ZNF804B: variants seen among roughly 807,000 people sequenced by gnomAD.
ZNF804B encodes the protein zinc finger protein 804B, also known as zinc finger 804B.
Under a neutral mutation model 101.4 loss-of-function variants are expected in ZNF804B, and 80 were observed. The ratio of observed to expected loss-of-function variants is 0.79; its 90% CI spans 0.66 to 0.95. The LOEUF is 0.95. ZNF804B is among the 40% of genes least tolerant of loss of function. ZNF804B has a pLI of 0.00. For synonymous variants in ZNF804B, 622 were observed against 558.8 expected, an observed-to-expected ratio of 1.11 and a Z score of -1.59; for missense variants, 1,673 against 1,561.9, an observed-to-expected ratio of 1.07 and a Z score of -1.20.
At chr7:88,880,604 G>A (rs1356371175) in intron 1 of ZNF804B, among the ~76,000 whole-genome samples, 6 of 151,774 alleles carry the variant, frequency 4.0e-5, no homozygotes, top group South Asian at 2.1e-4. Flanking sequence ...TGTTCTTTTG[G>A]TTTTGTCATT....
At chr7:88,801,612 A>G (rs1790584337) in intron 1 of ZNF804B, among the ~76,000 whole-genome samples, 1 of 152,026 alleles carries the variant, frequency 6.6e-6, no homozygotes, top group South Asian at 2.1e-4. Context: ...TTAAAAATCT[A>G]CTCTTTGACT....
intron 1 of ZNF804B, among the ~76,000 whole-genome samples, chr7:88,790,434 C>T (rs532994832): frequency 6.6e-6 from 1 of 151,922 alleles, no homozygotes; most frequent in African/African-American, 2.4e-5. Context: ...CCCTTGCACC[C>T]CTGACAGGCC....
At chr7:89,013,322 TAA>T (rs11347984) in intron 1 of ZNF804B, among the ~76,000 whole-genome samples, 14 of 151,864 alleles carry the variant, frequency 9.2e-5, no homozygotes, top group Non-Finnish European at 1.6e-4. Flanking sequence ...GTACTCACTA[TAA>T]AAAAAAATCT....
intron 2 of ZNF804B, among the ~76,000 whole-genome samples, chr7:89,323,739 A>G (rs1790855419): frequency 6.6e-6 from 1 of 152,036 alleles, no homozygotes; most frequent in African/African-American, 2.4e-5. Context: ...ACAATACCCT[A>G]TTTGTTTTCC....
At chr7:89,056,122 C>G (rs946715308) in intron 1 of ZNF804B, among the ~76,000 whole-genome samples, 4 of 152,064 alleles carry the variant, frequency 2.6e-5, no homozygotes, top group African/African-American at 9.7e-5. Context: ...AAAAGCCTCT[C>G]AGTATATCAG....
intron 1 of ZNF804B, among the ~76,000 whole-genome samples, chr7:88,898,153 C>G (rs2115945559): frequency 8.0e-6 from 1 of 125,538 alleles, no homozygotes; most frequent in African/African-American, 3.0e-5. Context: ...ATGGCGGGAT[C>G]TCGGCTCACT....
intron 2 of ZNF804B, among the ~76,000 whole-genome samples, chr7:89,266,778 T>A (rs950909833): frequency 1.3e-5 from 2 of 152,094 alleles, no homozygotes; most frequent in Non-Finnish European, 2.9e-5. Context: ...AGAGATTTTA[T>A]CAGGTATATC....
At chr7:88,940,501 G>A (rs1287791618) in intron 1 of ZNF804B, among the ~76,000 whole-genome samples, 1 of 151,892 alleles carries the variant, frequency 6.6e-6, no homozygotes, top group African/African-American at 2.4e-5. Flanking sequence ...GCCAGGTGTG[G>A]TGGCTCACGC....
In ZNF804B at chr7:88,904,506, A is replaced by G. The variant is rs115084045; in HGVS notation, c.108+144422A>G. On this transcript the variant is annotated intron_variant, in intron 1 of 3. Coordinates refer to ENST00000333190, the MANE Select transcript of ZNF804B (RefSeq NM_181646.5). ...TGTGAAAAATTACATTGATAGCTTGATAGAAATGGCATTGAATCTGTAAAT... is the reference window on the plus strand; with the variant it reads ...TGTGAAAAATTACATTGATAGCTTGGTAGAAATGGCATTGAATCTGTAAAT... 6.9e-3 allele frequency among the ~76,000 whole-genome samples: 1,046 copies of G among 152,262 alleles called. 13 individuals are homozygous for G. The highest frequency in any genetic ancestry group is 0.024 in the African/African-American group (1,009 of 41,554).
chr7:88,998,999 A>G (rs1788242499), intron 1 of ZNF804B, among the ~76,000 whole-genome samples: 1 of 152,090 alleles, frequency 6.6e-6, no homozygotes, highest in Non-Finnish European at 1.5e-5. Flanking sequence ...CTCCTGAAAC[A>G]ATCATTTCCT....
At chr7:89,182,438 T>G (rs1276679016) in intron 1 of ZNF804B, among the ~76,000 whole-genome samples, 6 of 152,190 alleles carry the variant, frequency 3.9e-5, no homozygotes. Context: ...CTGTCCTTGA[T>G]AATCCCATGA....
intron 1 of ZNF804B, among the ~76,000 whole-genome samples, chr7:88,864,748 G>C (rs1791700519): frequency 6.6e-6 from 1 of 152,128 alleles, no homozygotes; most frequent in South Asian, 2.1e-4. Context: ...ATTCAGTGTT[G>C]GTCTCAGGCA....
intron 1 of ZNF804B, among the ~76,000 whole-genome samples, chr7:89,137,501 A>G (rs1244848565): frequency 6.6e-6 from 1 of 152,044 alleles, no homozygotes; most frequent in Non-Finnish European, 1.5e-5. Flanking sequence ...GACTGGCAGC[A>G]TTTTGTCCCT....
At chr7:89,134,376 G>A (rs1472951610) in intron 1 of ZNF804B, among the ~76,000 whole-genome samples, 2 of 151,978 alleles carry the variant, frequency 1.3e-5, no homozygotes, top group Non-Finnish European at 2.9e-5. Context: ...TCTGTTTTCT[G>A]CTATCTCAGT....
chr7:88,854,522 C>CTTTCCTTTACT (rs71526619), intron 1 of ZNF804B, among the ~76,000 whole-genome samples: 1 of 56,196 alleles, frequency 1.8e-5, no homozygotes, highest in Admixed American at 2.3e-4. Flanking sequence ...CTTTCCTTTC[C>CTTTCCTTTACT]TTCCTTTCCT....
intron 1 of ZNF804B, among the ~76,000 whole-genome samples, chr7:89,055,732 C>A (rs972966650): frequency 2.0e-5 from 3 of 152,028 alleles, no homozygotes; most frequent in African/African-American, 7.2e-5. Flanking sequence ...GAAAATATGG[C>A]AGCCAGGGAA....
intron 1 of ZNF804B, among the ~76,000 whole-genome samples, chr7:88,836,131 G>A (rs890288042): frequency 6.6e-6 from 1 of 151,826 alleles, no homozygotes; most frequent in African/African-American, 2.4e-5. Context: ...CACCTCTGGC[G>A]GTCATACACA....
At chr7:89,280,789 G>T (rs12704453) in intron 2 of ZNF804B, among the ~76,000 whole-genome samples, 1 of 152,138 alleles carries the variant, frequency 6.6e-6, no homozygotes, top group Admixed American at 6.5e-5. Flanking sequence ...AAAGAGTCCA[G>T]GACCAGATGG....
At chr7:89,174,490 C>A (rs999657233) in intron 1 of ZNF804B, among the ~76,000 whole-genome samples, 70 of 152,004 alleles carry the variant, frequency 4.6e-4, no homozygotes, top group African/African-American at 1.6e-3. Context: ...TTTTCTTTAT[C>A]TCTCTGTTGA....
Sources: allele counts gnomAD v4.1 joint callset (sites outside exome capture counted in the v4.1 genomes callset), GRCh38; gene constraint gnomAD v4.1.1; transcripts MANE v1.5; gene names NCBI Gene and HGNC (gene_info 2026-07-23, HGNC 2026-07-21).